Variants in MACROD2 observed in about 807,000 individuals in gnomAD.
MACROD2 encodes the protein mono-ADP ribosylhydrolase 2.
In MACROD2, 36 loss-of-function variants were observed where a neutral mutation model predicts 70.4. That is an observed-to-expected ratio of 0.51 (90% confidence interval 0.39 to 0.68). MACROD2 has a LOEUF of 0.68. Among genes scored for constraint, MACROD2 ranks in the 30% least tolerant of loss-of-function variants. The pLI, the probability that MACROD2 is intolerant of heterozygous loss-of-function variation, is 0.00. For synonymous variants in MACROD2, 172 were observed against 178.8 expected (o/e 0.96, Z 0.30); for missense variants, 496 against 538.4 (o/e 0.92, Z 0.78).
intron 4 of MACROD2, among the ~76,000 whole-genome samples, chr20:14,566,166 A>C (rs1979786058): frequency 6.6e-6 from 1 of 152,054 alleles, no homozygotes; most frequent in Non-Finnish European, 1.5e-5. Context: ...TTCCTACAAA[A>C]GGAAAATAAA....
At chr20:15,768,076 A>G (rs2051557209) in intron 8 of MACROD2, among the ~76,000 whole-genome samples, 1 of 152,044 alleles carries the variant, frequency 6.6e-6, no homozygotes, top group Non-Finnish European at 1.5e-5. Flanking sequence ...AGATATATGT[A>G]TATAGCATGA....
At chr20:14,118,055 C>T (rs944922526) in intron 3 of MACROD2, among the ~76,000 whole-genome samples, 2 of 152,194 alleles carry the variant, frequency 1.3e-5, no homozygotes, top group African/African-American at 4.8e-5. Context: ...TACTTCTGGT[C>T]TACAAACATG....
At chr20:14,641,198 A>G (rs537893212) in intron 4 of MACROD2, among the ~76,000 whole-genome samples, 6 of 152,318 alleles carry the variant, frequency 3.9e-5, no homozygotes, top group Non-Finnish European at 7.3e-5. Context: ...TTACTCATCC[A>G]TAAGAAGCAA....
At chr20:14,573,408 A>G (rs1355288727) in intron 4 of MACROD2, among the ~76,000 whole-genome samples, 2 of 152,196 alleles carry the variant, frequency 1.3e-5, no homozygotes, top group African/African-American at 4.8e-5. Flanking sequence ...TTAAGTGAAT[A>G]AATTACTAAA....
intron 3 of MACROD2, among the ~76,000 whole-genome samples, chr20:14,376,340 A>G (rs1407191532): frequency 6.6e-6 from 1 of 152,160 alleles, no homozygotes; most frequent in Non-Finnish European, 1.5e-5. Flanking sequence ...GTAGTGCATT[A>G]GTAATAGTTT....
intron 5 of MACROD2, among the ~76,000 whole-genome samples, chr20:15,010,712 A>G (rs1255794122): frequency 6.6e-6 from 1 of 152,218 alleles, no homozygotes. Context: ...ACACAAAGAC[A>G]ACAAAAATAT....
intron 8 of MACROD2, among the ~76,000 whole-genome samples, chr20:15,642,597 AACACACACACACACAC>A (rs56698663): frequency 0.049 from 7,194 of 147,082 alleles, 581 homozygotes; most frequent in African/African-American, 0.17. Context: ...ACCTGTCATG[AACACACACACACACAC>A]ACACACACAC....
intron 3 of MACROD2, among the ~76,000 whole-genome samples, chr20:14,371,732 T>C (rs1053343423): frequency 9.9e-5 from 15 of 152,152 alleles, no homozygotes; most frequent in African/African-American, 2.9e-4. Context: ...TCTGTGTTTA[T>C]GATAGGCTTT....
chr20:15,335,166 A>G lies in MACROD2; in HGVS notation c.541-96239A>G, dbSNP rs112299412. Reference sequence around the variant, plus strand: ...CCCTTCATCCAATCCCTGATTGGAAAACAACCCTAGGCCATGACAGTGGCA... The same window carrying G: ...CCCTTCATCCAATCCCTGATTGGAAGACAACCCTAGGCCATGACAGTGGCA... On this transcript the variant is annotated intron_variant, in intron 6 of 17. Coordinates refer to ENST00000684519, the MANE Select transcript of MACROD2 (RefSeq NM_001351661.2). 1.5e-4 allele frequency among the ~76,000 whole-genome samples: 23 copies of G among 151,924 alleles called. 1 individual carries two copies. Among genetic ancestry groups the G allele is most frequent in the African/African-American group, 5.6e-4 (23 of 41,204 alleles).
chr20:14,669,293 C>T (rs749637073), intron 4 of MACROD2, among the ~76,000 whole-genome samples: 6 of 152,102 alleles, frequency 3.9e-5, no homozygotes, highest in Non-Finnish European at 8.8e-5. Flanking sequence ...TTTGCCAAAA[C>T]AGATTATCTT....
At chr20:15,919,917 T>C (rs977348247) in intron 10 of MACROD2, among the ~76,000 whole-genome samples, 6 of 152,120 alleles carry the variant, frequency 3.9e-5, no homozygotes, top group African/African-American at 1.4e-4. Context: ...CTTTTTGGAA[T>C]AGATCTAATG....
At chr20:14,529,096 C>T (rs2085272157) in intron 4 of MACROD2, among the ~76,000 whole-genome samples, 2 of 152,074 alleles carry the variant, frequency 1.3e-5, no homozygotes, top group Admixed American at 1.3e-4. Context: ...ATCTAGAGGG[C>T]ACTAGGGGAG....
chr20:15,531,753 T>G (rs1457077672), intron 8 of MACROD2, among the ~76,000 whole-genome samples: 2 of 152,182 alleles, frequency 1.3e-5, no homozygotes, highest in South Asian at 4.1e-4. Context: ...TTAAATCTTC[T>G]TTGTCTTTCT....
chr20:15,445,529 A>T (rs2046552294), intron 7 of MACROD2, among the ~76,000 whole-genome samples: 1 of 152,146 alleles, frequency 6.6e-6, no homozygotes, highest in African/African-American at 2.4e-5. Context: ...AAGACAGCAG[A>T]TTCTTACGGA....
At chr20:14,650,352 AG>A (rs1369173071) in intron 4 of MACROD2, among the ~76,000 whole-genome samples, 4 of 152,200 alleles carry the variant, frequency 2.6e-5, no homozygotes, top group Non-Finnish European at 5.9e-5. Flanking sequence ...TATTTTGTTC[AG>A]GTCTAAATGA....
intron 5 of MACROD2, among the ~76,000 whole-genome samples, chr20:15,191,013 AAGGCCGC>A (rs2076566952): frequency 6.6e-6 from 1 of 152,236 alleles, no homozygotes; most frequent in South Asian, 2.1e-4. Context: ...CTTGGTCAGC[AAGGCCGC>A]AGTGCCAAAT....
chr20:15,531,118 A>C (rs1434690198), intron 8 of MACROD2, among the ~76,000 whole-genome samples: 1 of 151,814 alleles, frequency 6.6e-6, no homozygotes, highest in Admixed American at 6.6e-5. Flanking sequence ...AAAAAGAGGC[A>C]AGAGATGTTA....
intron 3 of MACROD2, among the ~76,000 whole-genome samples, chr20:14,146,810 GA>G (rs2056304439): frequency 1.3e-5 from 2 of 152,150 alleles, no homozygotes; most frequent in African/African-American, 4.8e-5. Context: ...TCCCTTGCTG[GA>G]CGGGAGGTAG....
chr20:15,158,087 G>C (rs2076321895), intron 5 of MACROD2, among the ~76,000 whole-genome samples: 1 of 152,108 alleles, frequency 6.6e-6, no homozygotes, highest in African/African-American at 2.4e-5. Context: ...AATAAATGGA[G>C]GTGTTTTATC....
Sources: allele counts gnomAD v4.1 joint callset (sites outside exome capture counted in the v4.1 genomes callset), GRCh38; gene constraint gnomAD v4.1.1; transcripts MANE v1.5; gene names NCBI Gene and HGNC (gene_info 2026-07-23, HGNC 2026-07-21).